RCOR1: variants seen among roughly 807,000 people sequenced by gnomAD.
The protein encoded by RCOR1 is REST corepressor.
RCOR1 carries 12 observed loss-of-function variants against 64.0 expected under a neutral mutation model. The observed-to-expected ratio is 0.19, with a 90% CI of 0.12 to 0.30. The LOEUF is 0.30. RCOR1 is among the 10% of genes least tolerant of loss of function. RCOR1 has a pLI of 1.00. For missense variants in RCOR1, 502 were observed against 621.2 expected (o/e 0.81, Z 2.04); for synonymous variants, 279 against 227.2 (o/e 1.23, Z -2.05).
chr14:102,650,579 G>A (rs1894569126), intron 2 of RCOR1, among the ~76,000 whole-genome samples: 1 of 152,188 alleles, frequency 6.6e-6, no homozygotes, highest in African/African-American at 2.4e-5. Flanking sequence ...TCCCTTGGAT[G>A]TTGGGAAAGG....
intron 3 of RCOR1, among the ~76,000 whole-genome samples, chr14:102,688,541 G>C (rs2050481104): frequency 1.3e-5 from 2 of 152,278 alleles, no homozygotes; most frequent in South Asian, 4.1e-4. Flanking sequence ...TTCCAAGTCA[G>C]AGAAGTTGAT....
At position 102,722,376 on chromosome 14, in the gene RCOR1, C is replaced by G; in HGVS notation, c.1379C>G (p.Ser460Cys). The stretch of plus-strand genomic sequence containing the variant: ...CCCAGTAACCAGAAGCCTGTGAAGT[C>G]CCCAGATAATTCCATTAAGATGCCC... ...NGPSNQKPVK[S>C]PDNSIKMPEE... The change falls in exon 11 of 12, where the codon TCC becomes TGC. Residue 460 changes from serine (S) to cysteine (C), a missense_variant. Around this residue, in one of 2 missense-constraint regions of RCOR1, gnomAD observed 260 missense variants for 416.4 expected, o/e 0.62. Coordinates refer to ENST00000262241, the MANE Select transcript of RCOR1 (RefSeq NM_015156.4). The G allele has an allele frequency of 6.2e-7, 1 of 1,613,844 alleles. No individual in the cohort carries two copies. The highest frequency in any genetic ancestry group is 8.5e-7 in the Non-Finnish European group (1 of 1,179,914).
intron 3 of RCOR1, among the ~76,000 whole-genome samples, chr14:102,683,025 A>G (rs1216036397): frequency 2.0e-5 from 3 of 152,072 alleles, no homozygotes; most frequent in Non-Finnish European, 2.9e-5. Context: ...TTCCTATTGT[A>G]TTGCTTATTG....
chr14:102,665,027 G>A (rs1263725612), intron 2 of RCOR1, among the ~76,000 whole-genome samples: 2 of 150,862 alleles, frequency 1.3e-5, no homozygotes, highest in African/African-American at 4.9e-5. Context: ...GTTGTTTTTT[G>A]GAGACAGAGT....
At chr14:102,621,269 G>A (rs1178453520) in intron 2 of RCOR1, among the ~76,000 whole-genome samples, 1 of 151,432 alleles carries the variant, frequency 6.6e-6, no homozygotes, top group Non-Finnish European at 1.5e-5. Flanking sequence ...ACTACATCTA[G>A]ACACGAATTT....
chr14:102,701,031 T>C (rs972120701), intron 3 of RCOR1, among the ~76,000 whole-genome samples: 1 of 152,166 alleles, frequency 6.6e-6, no homozygotes. Context: ...AACCATCAGA[T>C]CTTGTGAGAC....
intron 2 of RCOR1, among the ~76,000 whole-genome samples, chr14:102,601,896 T>C (rs1477011678): frequency 6.6e-6 from 1 of 152,158 alleles, no homozygotes; most frequent in African/African-American, 2.4e-5. Context: ...CTTAAATACA[T>C]GTGTGTAATT....
At chr14:102,705,602 C>G (rs1567441876) in intron 4 of RCOR1, among the ~76,000 whole-genome samples, 1 of 152,028 alleles carries the variant, frequency 6.6e-6, no homozygotes, top group Non-Finnish European at 1.5e-5. Context: ...GCGCGCACCA[C>G]CATGCCTGGC....
At chr14:102,717,521 C>T (rs1270724993) in intron 8 of RCOR1, among the ~76,000 whole-genome samples, 2 of 152,128 alleles carry the variant, frequency 1.3e-5, no homozygotes, top group Non-Finnish European at 2.9e-5. Flanking sequence ...TGAGATTAAT[C>T]CTGGCCTGCC....
chr14:102,631,193 G>A (rs1225944116), intron 2 of RCOR1, among the ~76,000 whole-genome samples: 1 of 151,352 alleles, frequency 6.6e-6, no homozygotes, highest in Non-Finnish European at 1.5e-5. Flanking sequence ...ATTGGGAGTG[G>A]ACTAGTCCAG....
At chr14:102,601,350 T>C (rs1595189210) in intron 2 of RCOR1, among the ~76,000 whole-genome samples, 1 of 152,226 alleles carries the variant, frequency 6.6e-6, no homozygotes, top group African/African-American at 2.4e-5. Context: ...TTGCTTCAGG[T>C]ACAGCTAAAG....
intron 2 of RCOR1, among the ~76,000 whole-genome samples, chr14:102,668,467 G>T (rs1894961177): frequency 6.6e-6 from 1 of 152,036 alleles, no homozygotes; most frequent in Non-Finnish European, 1.5e-5. Flanking sequence ...GTATTTACTG[G>T]GTAATACAAT....
intron 2 of RCOR1, among the ~76,000 whole-genome samples, chr14:102,679,473 C>CCTTTTTTTTT (rs1260385616): frequency 2.0e-5 from 3 of 151,286 alleles, no homozygotes; most frequent in African/African-American, 7.3e-5. Flanking sequence ...CATTTATTTC[C>CCTTTTTTTTT]CTTTTTTTTT....
intron 2 of RCOR1, among the ~76,000 whole-genome samples, chr14:102,631,034 G>A (rs534865924): frequency 1.3e-5 from 2 of 152,188 alleles, no homozygotes; most frequent in South Asian, 4.1e-4. Flanking sequence ...ATTCCCAGAG[G>A]AAGGAAACAG....
rs751994164 is a variant in RCOR1, at chr14:102,593,345, G to A, written c.361+20G>A. ...ACCCCGGTGAGTAGCGGCCCCGGCCGGCCGGCGGCGGGGATGAGCGGGAGC... is the reference window on the plus strand; with the variant it reads ...ACCCCGGTGAGTAGCGGCCCCGGCCAGCCGGCGGCGGGGATGAGCGGGAGC... On this transcript the variant is annotated intron_variant, in intron 2 of 11. Transcript: ENST00000262241. 7.4e-5 allele frequency: 112 copies of A among 1,523,346 alleles called. 1 individual carries two copies. The highest frequency in any genetic ancestry group is 2.1e-4 in the South Asian group (17 of 82,006). 94.4% of individuals were successfully genotyped at this position (1,523,346 alleles called of 1,614,324 possible). A position where few individuals can be genotyped will look rare whatever the true frequency, so the allele number is the denominator to read the frequency against.
intron 11 of RCOR1, among the ~76,000 whole-genome samples, chr14:102,725,207 C>A (rs1896236219): frequency 2.6e-5 from 4 of 152,272 alleles, no homozygotes; most frequent in African/African-American, 9.6e-5. Context: ...GAGGAGAAAT[C>A]TCCTCCTGTA....
At chr14:102,639,541 ATT>A in intron 2 of RCOR1, among the ~76,000 whole-genome samples, 1 of 142,434 alleles carries the variant, frequency 7.0e-6, no homozygotes, top group Non-Finnish European at 1.5e-5. Context: ...TTATTTATTT[ATT>A]TATTTATTGA....
intron 3 of RCOR1, among the ~76,000 whole-genome samples, chr14:102,693,361 GA>G (rs748773526): frequency 2.4e-4 from 36 of 151,332 alleles, no homozygotes; most frequent in Non-Finnish European, 4.4e-4. Context: ...CAGTAGGCCT[GA>G]AAGATTTGTT....
intron 2 of RCOR1, among the ~76,000 whole-genome samples, chr14:102,645,645 A>G (rs541334702): frequency 7.2e-5 from 11 of 152,286 alleles, no homozygotes; most frequent in Admixed American, 1.3e-4. Flanking sequence ...TTGTTGCAGC[A>G]TCTCACTTCC....
Sources: gnomAD v4.1 joint callset for allele counts (sites outside exome capture counted in the v4.1 genomes callset) on GRCh38, gnomAD v4.1.1 for gene constraint, gnomAD v4.1.1 regional missense constraint, MANE v1.5 for transcripts, NCBI Gene and HGNC (gene_info 2026-07-23, HGNC 2026-07-21) for gene names.